The following EIF4E3 variants were observed in gnomAD, a reference collection of about 807,000 sequenced individuals.
The protein encoded by EIF4E3 is eukaryotic translation initiation factor 4E type 3.
Under a neutral mutation model 31.7 loss-of-function variants are expected in EIF4E3, and 26 were observed. The ratio of observed to expected loss-of-function variants is 0.82; its 90% CI spans 0.60 to 1.14. The LOEUF (loss-of-function observed/expected upper bound fraction) is 1.14, where lower values mean the gene tolerates loss of function less well. EIF4E3 is among the 50% of genes most tolerant of loss of function. EIF4E3 has a pLI of 0.00. For synonymous variants in EIF4E3, 128 were observed against 107.7 expected, an observed-to-expected ratio of 1.19 and a Z score of -1.17; for missense variants, 304 against 270.9, an observed-to-expected ratio of 1.12 and a Z score of -0.86.
In EIF4E3 at chr3:71,684,580, G is replaced by C; in HGVS notation, c.*102C>G. On this transcript the variant is annotated 3_prime_UTR_variant, in exon 7 of 7. Coordinates refer to ENST00000425534, the MANE Select transcript of EIF4E3 (RefSeq NM_001134651.2). ...CAAGGACAGAAACCCACTCTAAATT[G>C]ACCAGCATCGGCTTCGGCAAGTCTT... is the stretch of plus-strand genomic sequence containing the variant. 7.0e-7 allele frequency: 1 copy of C among 1,423,032 alleles called. No individual in the cohort carries two copies. The highest frequency in any genetic ancestry group is 2.3e-5 in the East Asian group (1 of 42,918). 88.2% of individuals were successfully genotyped at this position (1,423,032 alleles called of 1,614,324 possible). A position where few individuals can be genotyped will look rare whatever the true frequency, so the allele number is the denominator to read the frequency against.
intron 3 of EIF4E3, among the ~76,000 whole-genome samples, chr3:71,699,010 C>T (rs2049178005): frequency 6.6e-6 from 1 of 152,100 alleles, no homozygotes; most frequent in African/African-American, 2.4e-5. Context: ...TGCTGGAGCC[C>T]AGGAGTTCAA....
chr3:71,754,326 C>T, upstream of EIF4E3: 1 of 1,206,450 alleles, frequency 8.3e-7, no homozygotes, highest in Non-Finnish European at 1.0e-6. This position sits in a 1 kb window ranked among gnomAD's most constrained non-coding sequence, Gnocchi z 5.8. Flanking sequence ...GCCGGGCGCG[C>T]TGGGCTGCAA....
chr3:71,738,872 C>A (rs1054468830), intron 1 of EIF4E3, among the ~76,000 whole-genome samples: 1 of 149,522 alleles, frequency 6.7e-6, no homozygotes, highest in Non-Finnish European at 1.5e-5. Flanking sequence ...GGAATATTCA[C>A]CAAGATAGAT....
chr3:71,701,577 G>C (rs9790104), intron 2 of EIF4E3, among the ~76,000 whole-genome samples: 38,957 of 152,058 alleles, frequency 0.26, 5,788 homozygotes, highest in African/African-American at 0.4. Context: ...GTGATCATCT[G>C]GGTCTCCCAG....
At chr3:71,747,692 C>T (rs1394364051) in intron 1 of EIF4E3, among the ~76,000 whole-genome samples, 1 of 152,080 alleles carries the variant, frequency 6.6e-6, no homozygotes, top group Non-Finnish European at 1.5e-5. Flanking sequence ...AAACCACTTC[C>T]TAATCTAAAG....
chr3:71,699,775 C>A, intron 2 of EIF4E3, 67 bp from the exon 3 acceptor site: 1 of 1,336,280 alleles, frequency 7.5e-7, no homozygotes, highest in Non-Finnish European at 1.0e-6. Flanking sequence ...GCTAGATTAT[C>A]AAATTAATGC....
rs187784738 is a variant in EIF4E3, at chr3:71,737,216, C to G, written c.-290-8593G>C. Among the ~76,000 whole-genome samples the G allele has an allele frequency of 1.3e-4, 20 of 152,292 alleles. No homozygotes were observed. The East Asian group carries it at 3.9e-3, about 29-fold the overall frequency. Reference sequence around the variant, plus strand: ...TCCTAACAGTTGCAACTTCAGGAAACTTTAGGAAAAGTTTCACTTCTCCGA... The same window carrying G: ...TCCTAACAGTTGCAACTTCAGGAAAGTTTAGGAAAAGTTTCACTTCTCCGA... On this transcript the variant is annotated intron_variant, in intron 1 of 7. Transcript: ENST00000295612.
rs190841943 is a variant in EIF4E3, at chr3:71,739,876, T to C, written c.-290-11253A>G. On this transcript the variant is annotated intron_variant, in intron 1 of 7. Coordinates refer to the EIF4E3 transcript ENST00000295612. ...AAAATAATGACTGTTTAAATAAAAATAATAACAATGTACTATGGGCTTTAT... is the reference window on the plus strand; with the variant it reads ...AAAATAATGACTGTTTAAATAAAAACAATAACAATGTACTATGGGCTTTAT... Among the ~76,000 whole-genome samples the C allele has an allele frequency of 2.6e-4, 40 of 152,138 alleles. 1 individual carries two copies. In the South Asian group the frequency reaches 5.0e-3, roughly 19 times the overall value.
At chr3:71,730,015 G>A (rs1299462169), upstream of EIF4E3, among the ~76,000 whole-genome samples, 2 of 152,192 alleles carry the variant, frequency 1.3e-5, no homozygotes, top group African/African-American at 4.8e-5. Flanking sequence ...GAAAAAGGAA[G>A]GCAATGGCCA....
rs1009046868 is a variant in EIF4E3, at chr3:71,682,722, T to C, written c.*1960A>G. 6 of 152,762 alleles carry C rather than the reference T, an allele frequency of 3.9e-5. No individual in the cohort carries two copies. The highest frequency in any genetic ancestry group is 6.8e-3 in the Middle Eastern group (2 of 294). The allele number at this position is 152,762 out of a possible 1,614,324, so 9.5% of individuals were successfully genotyped here. ...TGATCATAAACAGAAACTAGAAATA[T>C]TAACGTGAGCCTAACATTCCTATTT... On this transcript the variant is annotated 3_prime_UTR_variant, in exon 7 of 7. Transcript: ENST00000425534.
chr3:71,694,471 C>T (rs1192192192), intron 4 of EIF4E3, among the ~76,000 whole-genome samples: 2 of 152,196 alleles, frequency 1.3e-5, no homozygotes, highest in Non-Finnish European at 2.9e-5. Context: ...CTGTTTATGG[C>T]AGGCGATAGA....
intron 1 of EIF4E3, among the ~76,000 whole-genome samples, chr3:71,738,453 GA>G (rs1176954433): frequency 5.3e-5 from 8 of 151,258 alleles, no homozygotes; most frequent in South Asian, 2.1e-4. Context: ...GGTTGAAAGG[GA>G]AAAAAAATGA....
At chr3:71,664,894 C>CA in the EIF4E3 span, among the ~76,000 whole-genome samples, 1 of 151,968 alleles carries the variant, frequency 6.6e-6, no homozygotes, top group East Asian at 1.9e-4. Context: ...CAAAACAAAA[C>CA]AAAAAAACTC....
Position 71,709,858 on chromosome 3 carries a change from AC to A in EIF4E3, c.249+553del, listed in dbSNP as rs59435006. Among the ~76,000 whole-genome samples, 1,301 of 152,270 alleles carry A rather than the reference AC, an allele frequency of 8.5e-3. 15 individuals carry two copies. Among genetic ancestry groups the A allele is most frequent in the African/African-American group, 0.03 (1,240 of 41,542 alleles). On this transcript the variant is annotated intron_variant, in intron 2 of 6. Coordinates refer to ENST00000425534, the MANE Select transcript of EIF4E3 (RefSeq NM_001134651.2). ...ACAGTAACCCATGGAGGTAGGTGCTACCATTAGACCAGTTTTACAGAGATGA... is the reference window on the plus strand; with the variant it reads ...ACAGTAACCCATGGAGGTAGGTGCTACATTAGACCAGTTTTACAGAGATGA...
At chr3:71,702,733 AT>A (rs1487489217) in intron 2 of EIF4E3, among the ~76,000 whole-genome samples, 2 of 149,572 alleles carry the variant, frequency 1.3e-5, no homozygotes, top group Non-Finnish European at 3.0e-5. Flanking sequence ...AAAAAGCCCT[AT>A]TTGAAAAGCA....
intron 4 of EIF4E3, among the ~76,000 whole-genome samples, chr3:71,695,052 A>C (rs1294283583): frequency 6.6e-6 from 1 of 152,206 alleles, no homozygotes; most frequent in African/African-American, 2.4e-5. Flanking sequence ...AGGGAACTGA[A>C]AAGTGACCTT....
intron 6 of EIF4E3, among the ~76,000 whole-genome samples, chr3:71,689,701 A>C (rs1255470890): frequency 6.6e-6 from 1 of 152,174 alleles, no homozygotes; most frequent in East Asian, 1.9e-4. Flanking sequence ...TGTTTCCAAT[A>C]GAATGTAATT....
chr3:71,674,818 T>C (rs1436484401), downstream of EIF4E3, among the ~76,000 whole-genome samples: 1 of 152,212 alleles, frequency 6.6e-6, no homozygotes, highest in Non-Finnish European at 1.5e-5. Flanking sequence ...GCTTCATATG[T>C]TACTGGCTTT....
intron 1 of EIF4E3, among the ~76,000 whole-genome samples, chr3:71,718,928 GC>G (rs1193842424): frequency 1.3e-5 from 2 of 152,172 alleles, no homozygotes; most frequent in East Asian, 1.9e-4. Flanking sequence ...AAGTTCAGAT[GC>G]CAGCCACTCT....
Sources: gnomAD v4.1 joint callset for allele counts (sites outside exome capture counted in the v4.1 genomes callset) on GRCh38, gnomAD v4.1.1 for gene constraint, Gnocchi (gnomAD v3.1) non-coding constraint, MANE v1.5 for transcripts, NCBI Gene and HGNC (gene_info 2026-07-23, HGNC 2026-07-21) for gene names.